The following MTSS1 variants were observed in gnomAD, a reference collection of about 807,000 sequenced individuals.
MTSS1 encodes protein MTSS 1.
In MTSS1, 18 loss-of-function variants were observed where a neutral mutation model predicts 79.0. The ratio of observed to expected loss-of-function variants is 0.23; its 90% CI spans 0.16 to 0.34. The LOEUF (loss-of-function observed/expected upper bound fraction) is 0.34. Among genes scored for constraint, MTSS1 ranks in the 10% least tolerant of loss-of-function variants. The pLI is 1.00. For missense variants in MTSS1, 815 were observed against 986.2 expected (o/e 0.83, Z 2.33); for synonymous variants, 341 against 368.6 (o/e 0.93, Z 0.86).
chr8:124,704,656 A>G (rs904860615), intron 1 of MTSS1, among the ~76,000 whole-genome samples: 2 of 152,192 alleles, frequency 1.3e-5, no homozygotes, highest in Non-Finnish European at 2.9e-5. Context: ...AAGATTGAAA[A>G]ATTACCTAAT....
At chr8:124,672,532 A>T (rs1251295221) in intron 3 of MTSS1, among the ~76,000 whole-genome samples, 1 of 151,676 alleles carries the variant, frequency 6.6e-6, no homozygotes, top group African/African-American at 2.4e-5. Context: ...AGGGCTGGGC[A>T]TGGTGGCTCA....
intron 3 of MTSS1, among the ~76,000 whole-genome samples, chr8:124,667,180 CGCTCTCCCCAGAGGAT>C (rs1823258870): frequency 6.6e-6 from 1 of 152,084 alleles, no homozygotes; most frequent in Admixed American, 6.5e-5. Flanking sequence ...CATGGGGAGG[CGCTCTCCCCAGAGGAT>C]GCAGAGCTCA....
chr8:124,700,243 T>A (rs958358318), intron 2 of MTSS1, among the ~76,000 whole-genome samples: 1 of 151,858 alleles, frequency 6.6e-6, no homozygotes, highest in African/African-American at 2.4e-5. Context: ...TTAAAAAATA[T>A]AAGTGGTAGA....
intron 3 of MTSS1, among the ~76,000 whole-genome samples, chr8:124,636,192 C>T (rs1190768774): frequency 6.6e-6 from 1 of 152,158 alleles, no homozygotes; most frequent in Non-Finnish European, 1.5e-5. Flanking sequence ...TGCAGTGGCA[C>T]GATCTCCGCT....
intron 1 of MTSS1, among the ~76,000 whole-genome samples, chr8:124,705,239 G>A (rs1378905059): frequency 6.6e-6 from 1 of 152,210 alleles, no homozygotes; most frequent in Non-Finnish European, 1.5e-5. Context: ...GGGAGGCCAA[G>A]GTGGGCAGAC....
chr8:124,556,202 C>T (rs749665452), intron 12 of MTSS1, 30 bp downstream of exon 12: 1 of 1,613,900 alleles, frequency 6.2e-7, no homozygotes, highest in African/African-American at 1.3e-5. Context: ...TGAGGTGGCC[C>T]CAACCAGCTA....
chr8:124,609,502 G>A lies in MTSS1; in HGVS notation c.209-18267C>T, dbSNP rs959464006. Among the ~76,000 whole-genome samples, 11 of 152,196 alleles carry A rather than the reference G, an allele frequency of 7.2e-5. 1 individual carries two copies. Among genetic ancestry groups the A allele is most frequent in the South Asian group, 6.2e-4 (3 of 4,828 alleles). The stretch of plus-strand genomic sequence containing the variant: ...CTTCAGAGTGACTTGGTATAAAAAG[G>A]TGGGCAAGGAGTAAGCTTTTATCTT... On this transcript the variant is annotated intron_variant, in intron 3 of 13. Coordinates refer to ENST00000518547, the MANE Select transcript of MTSS1 (RefSeq NM_014751.6).
intron 3 of MTSS1, among the ~76,000 whole-genome samples, chr8:124,607,829 G>C (rs932110787): frequency 6.6e-6 from 1 of 152,078 alleles, no homozygotes; most frequent in Non-Finnish European, 1.5e-5. Context: ...TATAAAGCCC[G>C]ATAAAAATGA....
chr8:124,575,916 C>G (rs984834823), intron 6 of MTSS1, among the ~76,000 whole-genome samples: 11 of 152,138 alleles, frequency 7.2e-5, no homozygotes, highest in African/African-American at 2.7e-4. Flanking sequence ...AGAAATTTAC[C>G]ATTGCCTTCA....
intron 3 of MTSS1, among the ~76,000 whole-genome samples, chr8:124,665,867 C>CAAAAA (rs61669209): frequency 0.018 from 1,801 of 102,728 alleles, 43 homozygotes; most frequent in African/African-American, 0.059. Flanking sequence ...AACTCCTTCT[C>CAAAAA]AAAAAAAAAA....
In MTSS1 at chr8:124,580,737, T is replaced by C. The variant is rs567397651; in HGVS notation, c.460+4350A>G. The C allele has an allele frequency of 1.3e-4, 79 of 630,374 alleles. No individual in the cohort carries two copies. In the African/African-American group the frequency reaches 1.3e-3, roughly 10 times the overall value. 39.0% of individuals were successfully genotyped at this position (630,374 alleles called of 1,614,324 possible). A position where few individuals can be genotyped will look rare whatever the true frequency, so the allele number is the denominator to read the frequency against. On this transcript the variant is annotated intron_variant, in intron 6 of 13. Transcript: ENST00000518547. ...AGGGCTGATTAAACCCACATCCACATTCCCCTTCTCTGCCTTACTAATATC... is the reference window on the plus strand; with the variant it reads ...AGGGCTGATTAAACCCACATCCACACTCCCCTTCTCTGCCTTACTAATATC...
chr8:124,601,685 C>T (rs943767754), intron 3 of MTSS1, among the ~76,000 whole-genome samples: 1 of 152,176 alleles, frequency 6.6e-6, no homozygotes, highest in Non-Finnish European at 1.5e-5. Context: ...GTTGCCTCAG[C>T]GTGCATCACT....
intron 3 of MTSS1, among the ~76,000 whole-genome samples, chr8:124,613,893 G>A (rs1432771138): frequency 6.6e-6 from 1 of 152,184 alleles, no homozygotes; most frequent in African/African-American, 2.4e-5. Context: ...ATATGGTTGG[G>A]CACAGTGGCT....
chr8:124,660,942 C>T (rs998424434), intron 3 of MTSS1, among the ~76,000 whole-genome samples: 19 of 152,210 alleles, frequency 1.2e-4, no homozygotes, highest in African/African-American at 3.9e-4. Context: ...CCCACGCACA[C>T]GTACACACAC....
chr8:124,652,199 A>G lies in MTSS1; in HGVS notation c.208+47327T>C, dbSNP rs143998626. Among the ~76,000 whole-genome samples the G allele has an allele frequency of 1.6e-4, 25 of 152,288 alleles. No individual in the cohort carries two copies. The East Asian group carries it at 4.6e-3, about 28-fold the overall frequency. ...GTCTTCTTTATTTATTTTGAGAGGGAGTCTTGCTCTGTTGCCCAGGCTGGA... is the reference window on the plus strand; with the variant it reads ...GTCTTCTTTATTTATTTTGAGAGGGGGTCTTGCTCTGTTGCCCAGGCTGGA... On this transcript the variant is annotated intron_variant, in intron 3 of 13. Coordinates refer to ENST00000518547, the MANE Select transcript of MTSS1 (RefSeq NM_014751.6).
At chr8:124,583,457 C>T (rs1830378254) in intron 6 of MTSS1, among the ~76,000 whole-genome samples, 1 of 152,216 alleles carries the variant, frequency 6.6e-6, no homozygotes, top group African/African-American at 2.4e-5. Context: ...ATCACCCTAT[C>T]AGGCTTCACC....
At chr8:124,572,637 G>T (rs1457907704) in intron 6 of MTSS1, among the ~76,000 whole-genome samples, 1 of 151,866 alleles carries the variant, frequency 6.6e-6, no homozygotes, top group Non-Finnish European at 1.5e-5. Context: ...GGGCCATCAC[G>T]ATCTCTCACC....
At chr8:124,699,236 G>T (rs936037467) in intron 3 of MTSS1, 2 of 368,764 alleles carry the variant, frequency 5.4e-6, no homozygotes, top group Non-Finnish European at 9.8e-6. Context: ...ACAGCTCAAG[G>T]TTCAACAACC....
intron 1 of MTSS1, among the ~76,000 whole-genome samples, chr8:124,722,359 A>G (rs1030113099): frequency 2.6e-5 from 4 of 152,220 alleles, no homozygotes; most frequent in Non-Finnish European, 4.4e-5. Flanking sequence ...CAAATCGGGA[A>G]GCAGGCGAGA....
Sources: gnomAD v4.1 joint callset for allele counts (sites outside exome capture counted in the v4.1 genomes callset) on GRCh38, gnomAD v4.1.1 for gene constraint, MANE v1.5 for transcripts, NCBI Gene and HGNC (gene_info 2026-07-23, HGNC 2026-07-21) for gene names.